Variants in SDC2 observed in about 807,000 individuals in gnomAD.
SDC2 encodes syndecan-2.
A neutral mutation model predicts 22.2 loss-of-function variants in SDC2; 13 were observed. That is an observed-to-expected ratio of 0.59 (90% CI 0.38 to 0.93). SDC2 has a LOEUF of 0.93. SDC2 is among the 40% of genes least tolerant of loss of function. The pLI is 0.00. For missense variants in SDC2, 235 were observed against 246.8 expected (o/e 0.95, Z 0.32); for synonymous variants, 94 against 92.8 (o/e 1.01, Z -0.07).
intron 1 of SDC2, among the ~76,000 whole-genome samples, chr8:96,521,424 A>G (rs926143119): frequency 5.9e-5 from 9 of 152,300 alleles, no homozygotes; most frequent in African/African-American, 1.9e-4. Context: ...GACTGCTCTG[A>G]AAACAAGGAA....
At chr8:96,606,233 C>G (rs79825030) in intron 3 of SDC2, among the ~76,000 whole-genome samples, 1,979 of 152,106 alleles carry the variant, frequency 0.013, 47 homozygotes, top group African/African-American at 0.045. Flanking sequence ...AAGAGATCCT[C>G]CACAGGTACA....
chr8:96,526,886 C>T (rs146260142), intron 1 of SDC2, among the ~76,000 whole-genome samples: 18 of 152,210 alleles, frequency 1.2e-4, no homozygotes, highest in African/African-American at 3.6e-4. Context: ...AGGGGAGTTA[C>T]GGAGGCTGGC....
intron 1 of SDC2, among the ~76,000 whole-genome samples, chr8:96,532,734 C>T (rs765310074): frequency 4.6e-5 from 7 of 152,022 alleles, no homozygotes; most frequent in Admixed American, 3.3e-4. Context: ...GCCCCTAGCC[C>T]GCACTTAATG....
chr8:96,541,110 A>T lies in SDC2; in HGVS notation c.60+46779A>T, dbSNP rs912054360. 3.3e-4 allele frequency among the ~76,000 whole-genome samples: 50 copies of T among 152,202 alleles called. 1 individual carries two copies. The highest frequency in any genetic ancestry group is 2.6e-4 in the Admixed American group (4 of 15,276). On this transcript the variant is annotated intron_variant, in intron 1 of 4. Transcript: ENST00000302190. Reference sequence around the variant, plus strand: ...ATTTTTTATGGATATGTGTATACATACAGTGGAATATTATTCAGCCTTAAA... The same window carrying T: ...ATTTTTTATGGATATGTGTATACATTCAGTGGAATATTATTCAGCCTTAAA...
At chr8:96,553,771 GA>G (rs1019288575) in intron 1 of SDC2, among the ~76,000 whole-genome samples, 20 of 103,930 alleles carry the variant, frequency 1.9e-4, no homozygotes, top group African/African-American at 5.4e-4. Flanking sequence ...TTTATTTAAA[GA>G]TTTTTTTTTT....
Position 96,608,450 on chromosome 8 carries a change from A to T in SDC2, c.422A>T (p.Lys141Ile), listed in dbSNP as rs748949776. The change falls in exon 4 of 5, where the codon AAA becomes ATA. Residue 141 changes from lysine to isoleucine, a missense_variant. Transcript: ENST00000302190. ...GAGAAACACTCAGACAGTCTGTTTAAACGGACAGAAGTCCTAGCAGGTGAG... is the reference window on the plus strand; with the variant it reads ...GAGAAACACTCAGACAGTCTGTTTATACGGACAGAAGTCCTAGCAGGTGAG... ...YTEKHSDSLF[K>I]RTEVLAAVIA... 1 of 1,613,066 alleles carries T rather than the reference A, an allele frequency of 6.2e-7. No individual in the cohort carries two copies. The highest frequency in any genetic ancestry group is 8.5e-7 in the Non-Finnish European group (1 of 1,179,534).
chr8:96,528,693 T>G (rs1386031240), intron 1 of SDC2, among the ~76,000 whole-genome samples: 3 of 152,252 alleles, frequency 2.0e-5, no homozygotes, highest in African/African-American at 7.2e-5. Flanking sequence ...GTCTTTGGGC[T>G]GTCCAAAATT....
rs1388460246 is a variant in SDC2, at chr8:96,551,646, G to C, written c.61-41834G>C. On this transcript the variant is annotated intron_variant, in intron 1 of 4. Coordinates refer to ENST00000302190, the MANE Select transcript of SDC2 (RefSeq NM_002998.4). The stretch of plus-strand genomic sequence containing the variant: ...ATCACCAAATGCAAGCTAGTTTCAG[G>C]GTGGTTAATTTTGGAGCTGATGAGC... Among the ~76,000 whole-genome samples the C allele has an allele frequency of 3.3e-5, 5 of 152,220 alleles. No homozygotes were observed. The East Asian group carries it at 7.7e-4, about 24-fold the overall frequency.
chr8:96,530,659 A>G (rs1229307417), intron 1 of SDC2, among the ~76,000 whole-genome samples: 1 of 152,168 alleles, frequency 6.6e-6, no homozygotes, highest in African/African-American at 2.4e-5. Context: ...AAACAAAAAA[A>G]CCTGCTAAAA....
At chr8:96,560,132 C>G (rs2130559296) in intron 1 of SDC2, among the ~76,000 whole-genome samples, 1 of 152,252 alleles carries the variant, frequency 6.6e-6, no homozygotes, top group South Asian at 2.1e-4. Flanking sequence ...GCAGTCACCC[C>G]TACCCCTACC....
At chr8:96,601,486 A>C (rs1814983730) in intron 2 of SDC2, among the ~76,000 whole-genome samples, 1 of 151,740 alleles carries the variant, frequency 6.6e-6, no homozygotes, top group Non-Finnish European at 1.5e-5. Flanking sequence ...CTAAAAATAC[A>C]AAAAATTAGC....
At chr8:96,510,985 T>A (rs1238259381) in intron 1 of SDC2, among the ~76,000 whole-genome samples, 1 of 152,170 alleles carries the variant, frequency 6.6e-6, no homozygotes, top group Non-Finnish European at 1.5e-5. Flanking sequence ...GAGTAACAGA[T>A]TAGGCCAGTG....
intron 1 of SDC2, among the ~76,000 whole-genome samples, chr8:96,510,267 G>A (rs569830832): frequency 3.2e-4 from 48 of 152,218 alleles, no homozygotes; most frequent in African/African-American, 1.0e-3. Flanking sequence ...TCTTCTTACC[G>A]TACCTGCACT....
chr8:96,499,675 T>C (rs1446473647), intron 1 of SDC2, among the ~76,000 whole-genome samples: 1 of 152,126 alleles, frequency 6.6e-6, no homozygotes, highest in Admixed American at 6.5e-5. Flanking sequence ...AACATGACTG[T>C]TGTGAAGATG....
intron 3 of SDC2, among the ~76,000 whole-genome samples, chr8:96,607,666 G>A (rs989804631): frequency 2.0e-5 from 3 of 152,138 alleles, no homozygotes; most frequent in South Asian, 2.1e-4. Context: ...TTCTGCTTGA[G>A]CATTGTGCAG....
At chr8:96,590,405 G>A (rs1021114476) in intron 1 of SDC2, among the ~76,000 whole-genome samples, 6 of 152,158 alleles carry the variant, frequency 3.9e-5, no homozygotes, top group African/African-American at 1.4e-4. Flanking sequence ...TGCAGAGTAT[G>A]TCCCGAGGTT....
At chr8:96,532,412 GTTTTTTTTTT>G (rs35452131) in intron 1 of SDC2, among the ~76,000 whole-genome samples, 8 of 47,944 alleles carry the variant, frequency 1.7e-4, no homozygotes, top group Non-Finnish European at 1.4e-4. Flanking sequence ...TTATTGAGGC[GTTTTTTTTTT>G]TTTTTTTTTT....
At position 96,509,145 on chromosome 8, in the gene SDC2, G is replaced by A. The variant is rs1315992825; in HGVS notation, c.60+14814G>A. ...TCTGCCAATTTCTGGACTTGGGCAG[G>A]TGATTTAACCTCTCTATGCTTCCAT... On this transcript the variant is annotated intron_variant, in intron 1 of 4. Transcript: ENST00000302190. Among the ~76,000 whole-genome samples, 5 of 142,126 alleles carry A rather than the reference G, an allele frequency of 3.5e-5. 1 individual carries two copies. Among genetic ancestry groups the A allele is most frequent in the Admixed American group, 1.4e-4 (2 of 14,308 alleles). The allele number at this position is 142,126 out of a possible 152,430, so 93.2% of individuals were successfully genotyped here.
chr8:96,556,699 A>C (rs1352074067), intron 1 of SDC2, among the ~76,000 whole-genome samples: 3 of 152,216 alleles, frequency 2.0e-5, no homozygotes. Context: ...AGTACCATTG[A>C]GGACATAGGC....
Sources: gnomAD v4.1 joint callset for allele counts (sites outside exome capture counted in the v4.1 genomes callset) on GRCh38, gnomAD v4.1.1 for gene constraint, MANE v1.5 for transcripts, NCBI Gene and HGNC (gene_info 2026-07-23, HGNC 2026-07-21) for gene names.